The following MTCL1 variants were observed in gnomAD, a reference collection of about 807,000 sequenced individuals.
MTCL1 encodes the protein microtubule crosslinking factor 1.
A neutral mutation model predicts 141.4 loss-of-function variants in MTCL1; 79 were observed. That is an observed-to-expected ratio of 0.56 (90% confidence interval 0.47 to 0.67). The LOEUF (loss-of-function observed/expected upper bound fraction) is 0.67. MTCL1 is among the 30% of genes least tolerant of loss of function. The pLI is 0.00. For synonymous variants in MTCL1, 914 were observed against 875.8 expected, an observed-to-expected ratio of 1.04 and a Z score of -0.77; for missense variants, 2,177 against 2,113.9, an observed-to-expected ratio of 1.03 and a Z score of -0.59.
At chr18:8,791,410 G>A (rs2075721869) in intron 7 of MTCL1, among the ~76,000 whole-genome samples, 1 of 150,196 alleles carries the variant, frequency 6.7e-6, no homozygotes, top group South Asian at 2.2e-4. Flanking sequence ...AACCAATCTG[G>A]AGGCACATCC....
At chr18:8,730,601 G>A (rs534976400) in intron 4 of MTCL1, among the ~76,000 whole-genome samples, 12 of 152,266 alleles carry the variant, frequency 7.9e-5, no homozygotes, top group African/African-American at 2.2e-4. Context: ...CGTCAGCCAG[G>A]CTCCTCGCTG....
At chr18:8,826,086 C>G in exon 15 of MTCL1, 1 of 1,610,930 alleles carries the variant, frequency 6.2e-7, no homozygotes. Context: ...TGGCTACACG[C>G]TCACTGAGAA....
At chr18:8,784,781 A>T in exon 6 of MTCL1, 1 of 1,613,418 alleles carries the variant, frequency 6.2e-7, no homozygotes, top group Non-Finnish European at 8.5e-7. Context: ...CTCCACTGTG[A>T]CTTCCGTGTC....
intron 4 of MTCL1, among the ~76,000 whole-genome samples, chr18:8,724,367 C>T (rs592335): frequency 0.051 from 7,691 of 152,070 alleles, 536 homozygotes; most frequent in African/African-American, 0.14. Context: ...GCCGAGATCG[C>T]GCCATTGCAC....
chr18:8,757,925 C>CT (rs1391370746), intron 4 of MTCL1, among the ~76,000 whole-genome samples: 4 of 151,724 alleles, frequency 2.6e-5, no homozygotes, highest in African/African-American at 7.3e-5. Context: ...GACTTGTCAG[C>CT]TTTTTTATCC....
intron 12 of MTCL1, among the ~76,000 whole-genome samples, chr18:8,814,282 C>T (rs2076580388): frequency 6.6e-6 from 1 of 151,990 alleles, no homozygotes; most frequent in Admixed American, 6.6e-5. Flanking sequence ...TAAAATACAC[C>T]GCAGGTGAGC....
chr18:8,825,804 G>A, exon 15 of MTCL1: 1 of 1,614,186 alleles, frequency 6.2e-7, no homozygotes, highest in Non-Finnish European at 8.5e-7. Flanking sequence ...CACCACAAGG[G>A]AGAGCCCCGT....
chr18:8,792,119 G>A lies in MTCL1; in HGVS notation c.1888-879G>A, dbSNP rs541462213. Among the ~76,000 whole-genome samples, 8 of 152,312 alleles carry A rather than the reference G, an allele frequency of 5.3e-5. No individual in the cohort carries two copies. In the South Asian group the frequency reaches 1.2e-3, roughly 24 times the overall value. On this transcript the variant is annotated intron_variant, in intron 7 of 16. Coordinates refer to ENST00000359865, the Ensembl canonical transcript of MTCL1. ...TCAGAATGAACCAGTGAAACCGCAC[G>A]TATTTTATTGCAACAATCTACTCTA...
At chr18:8,816,642 C>G (rs2076664906) in intron 12 of MTCL1, among the ~76,000 whole-genome samples, 2 of 152,146 alleles carry the variant, frequency 1.3e-5, no homozygotes, top group South Asian at 4.1e-4. Context: ...AAAGGGTCAT[C>G]CATTCATTCT....
rs1568015837 is a variant in MTCL1 at position 8,779,355 on chromosome 18, C to A, written c.417+1463C>A. Among the ~76,000 whole-genome samples, 2 of 152,108 alleles carry A rather than the reference C, an allele frequency of 1.3e-5. No homozygotes were observed. The highest frequency in any genetic ancestry group is 6.5e-5 in the Admixed American group (1 of 15,274). On this transcript the variant is annotated intron_variant, in intron 5 of 16. Transcript: ENST00000359865. The surrounding 1 kb of genome is among the most constrained non-coding windows in gnomAD (Gnocchi z 4.1). ...TTCATACCACATTCCTGGGGCTATC[C>A]AATGATCTCTCGAAACCAGAAATGA...
At chr18:8,731,556 A>G (rs1438368794) in intron 4 of MTCL1, among the ~76,000 whole-genome samples, 3 of 151,976 alleles carry the variant, frequency 2.0e-5, no homozygotes, top group Non-Finnish European at 4.4e-5. Flanking sequence ...CCTGGGGGGC[A>G]AGAGCGAGAC....
chr18:8,812,644 TC>T (rs1490073966), intron 11 of MTCL1, among the ~76,000 whole-genome samples: 2 of 152,192 alleles, frequency 1.3e-5, no homozygotes, highest in Non-Finnish European at 2.9e-5. Context: ...ATCCCTAGGT[TC>T]CATATAGGAG....
intron 7 of MTCL1, 40 bp downstream of exon 6, chr18:8,786,131 C>CCCCCCTTT: frequency 6.6e-7 from 1 of 1,520,138 alleles, no homozygotes; most frequent in South Asian, 1.2e-5. Context: ...CGCCCTCCCC[C>CCCCCCTTT]TCCTTTTTCT....
exon 1 of MTCL1, chr18:8,706,556 C>G: frequency 1.4e-6 from 2 of 1,409,178 alleles, no homozygotes; most frequent in Non-Finnish European, 1.8e-6. Flanking sequence ...CCCGGCGTGG[C>G]GGAGGATGTC....
At chr18:8,792,601 C>T (rs894338928) in intron 7 of MTCL1, among the ~76,000 whole-genome samples, 1 of 152,232 alleles carries the variant, frequency 6.6e-6, no homozygotes, top group Non-Finnish European at 1.5e-5. Context: ...ATCCAAGAGG[C>T]TGACGTGTAA....
At position 8,732,755 on chromosome 18, in the gene MTCL1, G is replaced by C. The variant is rs555618418; in HGVS notation, c.357+12259G>C. 3.3e-5 allele frequency among the ~76,000 whole-genome samples: 5 copies of C among 152,316 alleles called. No homozygotes were observed. The East Asian group carries it at 5.8e-4, about 18-fold the overall frequency. ...CCCAGAGAGAGGATGGACCCCAGGT[G>C]CTGGCAGGGTGCCGCTCCCCATGGC... On this transcript the variant is annotated intron_variant, in intron 4 of 16. Transcript: ENST00000359865.
chr18:8,816,814 G>A (rs1288501839), intron 12 of MTCL1, among the ~76,000 whole-genome samples: 1 of 152,014 alleles, frequency 6.6e-6, no homozygotes, highest in Non-Finnish European at 1.5e-5. Context: ...TAAAATGTTC[G>A]ACTTGCATTA....
chr18:8,720,803 T>C (rs1252981010), intron 4 of MTCL1, among the ~76,000 whole-genome samples: 1 of 152,144 alleles, frequency 6.6e-6, no homozygotes, highest in Admixed American at 6.6e-5. Context: ...TATTGGGCCC[T>C]GGTCTAAAGC....
At chr18:8,772,094 T>C (rs1229041321) in intron 4 of MTCL1, among the ~76,000 whole-genome samples, 1 of 152,236 alleles carries the variant, frequency 6.6e-6, no homozygotes, top group Non-Finnish European at 1.5e-5. Context: ...GGAGCCTGCG[T>C]GGCTCTGTGC....
Sources: allele counts gnomAD v4.1 joint callset (sites outside exome capture counted in the v4.1 genomes callset), GRCh38; gene constraint gnomAD v4.1.1; non-coding constraint Gnocchi (gnomAD v3.1); transcripts MANE v1.5; gene names NCBI Gene and HGNC (gene_info 2026-07-23, HGNC 2026-07-21).